ZNRF3: variants seen among roughly 807,000 people sequenced by gnomAD.
ZNRF3 encodes zinc and ring finger 3, also known as E3 ubiquitin-protein ligase ZNRF3.
ZNRF3 carries 23 observed loss-of-function variants against 72.5 expected under a neutral mutation model. The ratio of observed to expected loss-of-function variants is 0.32; its 90% CI spans 0.23 to 0.45. ZNRF3 has a LOEUF of 0.45. Ranked by LOEUF, ZNRF3 falls within the 20% of genes least tolerant of loss-of-function variation. ZNRF3 has a pLI of 1.00. For synonymous variants in ZNRF3, 610 were observed against 545.3 expected, an observed-to-expected ratio of 1.12 and a Z score of -1.65; for missense variants, 1,169 against 1,272.1, an observed-to-expected ratio of 0.92 and a Z score of 1.23.
chr22:28,963,235 ATGAATCC>A (rs2035397484), intron 1 of ZNRF3, among the ~76,000 whole-genome samples: 1 of 152,224 alleles, frequency 6.6e-6, no homozygotes, highest in Admixed American at 6.5e-5. Context: ...GGACACAGAG[ATGAATCC>A]TGAATGGGCA....
intron 1 of ZNRF3, among the ~76,000 whole-genome samples, chr22:28,894,518 C>T (rs1476555711): frequency 6.6e-6 from 1 of 152,054 alleles, no homozygotes; most frequent in East Asian, 1.9e-4. Context: ...GGCAGATGGC[C>T]ATGCTCAGAG....
chr22:29,042,787 T>C (rs193302671), intron 3 of ZNRF3, among the ~76,000 whole-genome samples: 3 of 151,982 alleles, frequency 2.0e-5, no homozygotes, highest in Admixed American at 6.6e-5. Flanking sequence ...TCTCTTTTTT[T>C]CCCCCGAGAT....
At chr22:28,968,005 T>C (rs371161790) in intron 1 of ZNRF3, among the ~76,000 whole-genome samples, 11 of 152,232 alleles carry the variant, frequency 7.2e-5, no homozygotes, top group Admixed American at 3.3e-4. Flanking sequence ...TGAAAACTTA[T>C]GTCTTATTTC....
At chr22:28,889,943 C>A (rs1410956549) in intron 1 of ZNRF3, among the ~76,000 whole-genome samples, 2 of 152,160 alleles carry the variant, frequency 1.3e-5, no homozygotes, top group Non-Finnish European at 2.9e-5. Flanking sequence ...ATTTCTGGAT[C>A]GACCCCCTGG....
At chr22:29,046,038 AG>A (rs1023705143) in intron 5 of ZNRF3, among the ~76,000 whole-genome samples, 3 of 152,286 alleles carry the variant, frequency 2.0e-5, no homozygotes, top group Middle Eastern at 3.4e-3. Context: ...CCACCTACAC[AG>A]TATACCAGGC....
At chr22:28,914,478 A>G (rs891523548) in intron 1 of ZNRF3, among the ~76,000 whole-genome samples, 1 of 147,726 alleles carries the variant, frequency 6.8e-6, no homozygotes, top group African/African-American at 2.5e-5. Context: ...CATATTTCAT[A>G]GACTGTTGAC....
chr22:29,040,615 T>C (rs987417171), intron 2 of ZNRF3, among the ~76,000 whole-genome samples: 6 of 152,114 alleles, frequency 3.9e-5, no homozygotes, highest in Non-Finnish European at 5.9e-5. Flanking sequence ...CATTCCTGAC[T>C]CCTAGCCTAG....
chr22:28,926,695 A>T (rs1374295381), intron 1 of ZNRF3, among the ~76,000 whole-genome samples: 1 of 150,558 alleles, frequency 6.6e-6, no homozygotes, highest in Non-Finnish European at 1.5e-5. Flanking sequence ...GCTACTCGGG[A>T]GGCTGAGGCA....
intron 1 of ZNRF3, among the ~76,000 whole-genome samples, chr22:28,937,509 G>C (rs2034862195): frequency 6.6e-6 from 1 of 152,094 alleles, no homozygotes; most frequent in South Asian, 2.1e-4. Flanking sequence ...GACTATAAAA[G>C]TGGCACTTGT....
In ZNRF3 at chr22:29,050,559, G is replaced by C. The variant is rs762134835; in HGVS notation, c.2378G>C (p.Gly793Ala). Residue 793 changes from glycine to alanine, a missense_variant, in exon 8 of 9, where the codon GGG becomes GCG. Physicochemically the swap from Gly to Ala is moderately conservative, Grantham distance 60. Coordinates refer to ENST00000544604, the MANE Select transcript of ZNRF3 (RefSeq NM_001206998.2). ...EEKQVARGGGGGSGCYTEDYS... is the reference protein window; with the variant it reads ...EEKQVARGGGAGSGCYTEDYS... ...AAGCAGGTGGCCCGCGGGGGCGGAG[G>C]GGGCAGCGGCTGCTACACTGAGGAC... 18 of 1,609,728 alleles carry C rather than the reference G, an allele frequency of 1.1e-5. No homozygotes were observed. Among genetic ancestry groups the C allele is most frequent in the South Asian group, 1.1e-4 (10 of 90,704 alleles).
chr22:28,937,194 TATATATATATATATATATATA>T (rs1217285514), intron 1 of ZNRF3, among the ~76,000 whole-genome samples: 146 of 3,360 alleles, frequency 0.043, 2 homozygotes, highest in East Asian at 0.079. Flanking sequence ...TATATATATA[TATATATATATATATATATATA>T]TTTTTTTTTT....
Position 29,005,991 on chromosome 22 carries a change from G to A in ZNRF3, c.426+18790G>A, listed in dbSNP as rs914937509. The stretch of plus-strand genomic sequence containing the variant: ...AGAGGTTGCAGTGAGCTGAGATTGC[G>A]CCATTGCACTCCAGCCTGGGCAACA... On this transcript the variant is annotated intron_variant, in intron 2 of 8. Transcript: ENST00000544604. 1.8e-4 allele frequency among the ~76,000 whole-genome samples: 28 copies of A among 151,426 alleles called. 1 individual carries two copies. Among genetic ancestry groups the A allele is most frequent in the South Asian group, 2.1e-4 (1 of 4,772 alleles).
intron 1 of ZNRF3, among the ~76,000 whole-genome samples, chr22:28,942,577 C>T (rs780077332): frequency 1.3e-5 from 2 of 152,152 alleles, no homozygotes; most frequent in African/African-American, 2.4e-5. Flanking sequence ...AGATCTTTCT[C>T]CAGAGCGAGA....
In ZNRF3 at chr22:29,048,875, G is replaced by C. The variant is rs1271836776; in HGVS notation, c.1016-322G>C. Among the ~76,000 whole-genome samples, 1 of 152,186 alleles carries C rather than the reference G, an allele frequency of 6.6e-6. No individual in the cohort carries two copies. The highest frequency in any genetic ancestry group is 1.5e-5 in the Non-Finnish European group (1 of 68,038). ...GAGGCCAGCTTGGGCTGTTGCTCCTGCATCACTGTGTCATTAAACAGGGAT... is the reference window on the plus strand; with the variant it reads ...GAGGCCAGCTTGGGCTGTTGCTCCTCCATCACTGTGTCATTAAACAGGGAT... On this transcript the variant is annotated intron_variant, in intron 7 of 8. Transcript: ENST00000544604. This position sits in a 1 kb window ranked among gnomAD's most constrained non-coding sequence, Gnocchi z 4.9.
At chr22:28,952,964 C>T (rs2035191738) in intron 1 of ZNRF3, among the ~76,000 whole-genome samples, 1 of 152,180 alleles carries the variant, frequency 6.6e-6, no homozygotes, top group South Asian at 2.1e-4. Flanking sequence ...TTTCCCTTGC[C>T]TGCCTTTGTG....
Position 28,987,055 on chromosome 22 carries a change from TC to T in ZNRF3, c.301-20del. ...ATGTGTAGCTTGCCTGCTGAAGTTT[TC>T]TTTCCATTTTATTTCCTAGATGCAC... On this transcript the variant is annotated intron_variant, in intron 1 of 8. Transcript: ENST00000544604. 6.2e-7 allele frequency: 1 copy of T among 1,600,758 alleles called. No homozygotes were observed. The highest frequency in any genetic ancestry group is 1.1e-5 in the South Asian group (1 of 88,294).
intron 1 of ZNRF3, among the ~76,000 whole-genome samples, chr22:28,978,431 TG>T (rs2035711139): frequency 6.6e-6 from 1 of 152,182 alleles, no homozygotes; most frequent in African/African-American, 2.4e-5. Flanking sequence ...ACGTCCTGGA[TG>T]GCTCCCAGAA....
At chr22:28,909,264 T>A (rs1397163958) in intron 1 of ZNRF3, among the ~76,000 whole-genome samples, 1 of 152,124 alleles carries the variant, frequency 6.6e-6, no homozygotes, top group African/African-American at 2.4e-5. Context: ...TTTTAGAGCT[T>A]TGAAGCTCTT....
chr22:28,897,187 CTA>C (rs2034013392), intron 1 of ZNRF3, among the ~76,000 whole-genome samples: 1 of 152,212 alleles, frequency 6.6e-6, no homozygotes, highest in Admixed American at 6.5e-5. Flanking sequence ...CTGTTGCTTA[CTA>C]CTGAGCTGTG....
Sources: allele counts gnomAD v4.1 joint callset (sites outside exome capture counted in the v4.1 genomes callset), GRCh38; gene constraint gnomAD v4.1.1; non-coding constraint Gnocchi (gnomAD v3.1); transcripts MANE v1.5; gene names NCBI Gene and HGNC (gene_info 2026-07-23, HGNC 2026-07-21).